Variants in SELENOO observed in about 807,000 individuals in gnomAD.
SELENOO encodes selenoprotein O.
In SELENOO, 74 loss-of-function variants were observed where a neutral mutation model predicts 58.7. The observed-to-expected ratio is 1.26, with a 90% CI of 1.04 to 1.53. SELENOO has a LOEUF of 1.53. SELENOO is among the 40% of genes most tolerant of loss of function. The pLI is 0.00. For synonymous variants in SELENOO, 543 were observed against 453.2 expected (o/e 1.20, Z -2.52); for missense variants, 1,149 against 970.0 (o/e 1.18, Z -2.45).
chr22:50,201,728 G>C, intron 1 of SELENOO, 138 bp downstream of exon 1: 2 of 561,916 alleles, frequency 3.6e-6, no homozygotes, highest in Non-Finnish European at 5.2e-6. Flanking sequence ...GCGCGGTGCT[G>C]GCAGCCGCCC....
intron 5 of SELENOO, among the ~76,000 whole-genome samples, chr22:50,213,750 G>C (rs2064387585): frequency 6.6e-6 from 1 of 151,684 alleles, no homozygotes; most frequent in Non-Finnish European, 1.5e-5. Flanking sequence ...CAGGTTCACG[G>C]CATTTTCCTG....
Position 50,216,795 on chromosome 22 carries a change from A to G in SELENOO, c.1607A>G (p.Gln536Arg), listed in dbSNP as rs778705234. ...AGGGAGCTGGAGCGTGTGGAGCAGC[A>G]GTCTCGGCTGGAGCAGCTGAGTGCG... is the stretch of plus-strand genomic sequence containing the variant. ...IARELERVEQ[Q>R]SRLEQLSAAE... Residue 536 changes from glutamine to arginine, a missense_variant, in exon 7 of 9, where the codon CAG (glutamine) becomes CGG (arginine). Gln to Arg is a conservative substitution (Grantham distance 43). Transcript: ENST00000380903. 9 of 1,609,230 alleles carry G rather than the reference A, an allele frequency of 5.6e-6. No homozygotes were observed. In the African/African-American group the frequency reaches 8.0e-5, roughly 14 times the overall value.
chr22:50,203,575 A>G (rs1377932454), intron 1 of SELENOO, among the ~76,000 whole-genome samples: 1 of 152,202 alleles, frequency 6.6e-6, no homozygotes, highest in Non-Finnish European at 1.5e-5. Flanking sequence ...CTTCACATAT[A>G]TGGTCAGCAA....
intron 5 of SELENOO, 132 bp from the exon 6 acceptor site, chr22:50,215,585 G>A: frequency 1.5e-6 from 1 of 664,400 alleles, no homozygotes; most frequent in Non-Finnish European, 2.5e-6. Flanking sequence ...GCGGTGGGGG[G>A]CGGTGGTGGA....
chr22:50,201,100 C>T lies in SELENOO; in HGVS notation c.64C>T (p.Arg22Cys). The change falls in exon 1 of 9, where the codon CGC (arginine) becomes TGC (cysteine). Residue 22 changes from arginine to cysteine, a missense_variant. Coordinates refer to ENST00000380903, the MANE Select transcript of SELENOO (RefSeq NM_031454.2). Reference protein sequence around the residue: ...LAAARLLPLGRCSPSPAPRST... With the variant: ...LAAARLLPLGCCSPSPAPRST... ...GGCTGCCCGACTCTTGCCCCTCGGT[C>T]GCTGTTCCCCGTCGCCGGCGCCCCG... is the stretch of plus-strand genomic sequence containing the variant. 1 of 1,352,238 alleles carries T rather than the reference C, an allele frequency of 7.4e-7. No individual in the cohort carries two copies. Among genetic ancestry groups the T allele is most frequent in the Non-Finnish European group, 9.5e-7 (1 of 1,052,866 alleles). 83.8% of individuals were successfully genotyped at this position (1,352,238 alleles called of 1,614,324 possible). A position where few individuals can be genotyped will look rare whatever the true frequency, so the allele number is the denominator to read the frequency against.
Position 50,216,900 on chromosome 22 carries a change from C to T in SELENOO, c.1688+24C>T, listed in dbSNP as rs73435262. ...AGGTGAGCCCTGCGTCCATGGTCAC[C>T]GGGGGACGGCGGGTCGCGTGCTGGA... On this transcript the variant is annotated intron_variant, in intron 7 of 8. Coordinates refer to ENST00000380903, the MANE Select transcript of SELENOO (RefSeq NM_031454.2). 8.4e-3 allele frequency: 13,500 copies of T among 1,602,480 alleles called. 142 individuals carry two copies. Among genetic ancestry groups the T allele is most frequent in the African/African-American group, 0.039 (2,919 of 74,932 alleles).
chr22:50,211,016 G>A (rs896073189), intron 5 of SELENOO, 105 bp downstream of exon 5: 2 of 1,259,092 alleles, frequency 1.6e-6, no homozygotes, highest in Non-Finnish European at 2.3e-6. Context: ...TCACTCCCTG[G>A]GCCCACCCCA....
At chr22:50,202,351 T>A (rs1339457988) in intron 1 of SELENOO, among the ~76,000 whole-genome samples, 1 of 151,862 alleles carries the variant, frequency 6.6e-6, no homozygotes, top group Non-Finnish European at 1.5e-5. Flanking sequence ...GGGCTCCATC[T>A]CCCAAGCAAG....
intron 5 of SELENOO, among the ~76,000 whole-genome samples, chr22:50,211,288 CTG>C (rs996609471): frequency 2.0e-5 from 3 of 152,142 alleles, no homozygotes; most frequent in African/African-American, 7.2e-5. Context: ...GTACGGTGCA[CTG>C]TGTGTTGTGT....
rs1195893484 is a variant in SELENOO at position 50,206,371 on chromosome 22, C to T, written c.609C>T (p.Ser203=). The change falls in exon 2 of 9, where the codon AGC becomes AGT. Residue 203 remains serine, a synonymous_variant. Coordinates refer to ENST00000380903, the MANE Select transcript of SELENOO (RefSeq NM_031454.2). The part of the protein sequence containing the change: ...LRSSIREFLC[S]EAMFHLGVPT... ...CAAGCATCCGGGAGTTTCTATGCAG[C>T]GAAGCCATGTTCCACCTGGGAGTCC... 14 of 1,613,998 alleles carry T rather than the reference C, an allele frequency of 8.7e-6. No individual in the cohort carries two copies. The highest frequency in any genetic ancestry group is 2.2e-5 in the East Asian group (1 of 44,902).
chr22:50,216,616 G>T, intron 6 of SELENOO, 75 bp from the exon 7 acceptor site: 1 of 1,365,358 alleles, frequency 7.3e-7, no homozygotes, highest in South Asian at 1.3e-5. Flanking sequence ...AGCGGGCTGG[G>T]GCAGGCGGAG....
chr22:50,216,605 G>GAGCGGGCTGGGGCAGGCGGAGC, intron 6 of SELENOO, 86 bp from the exon 7 acceptor site: 1 of 1,294,500 alleles, frequency 7.7e-7, no homozygotes, highest in Non-Finnish European at 1.1e-6. Flanking sequence ...TGAGCCGTGA[G>GAGCGGGCTGGGGCAGGCGGAGC]AGCGGGCTGG....
chr22:50,208,256 C>G (rs921896609), intron 2 of SELENOO, among the ~76,000 whole-genome samples: 12 of 152,138 alleles, frequency 7.9e-5, no homozygotes, highest in African/African-American at 9.6e-5. Context: ...ATGGTGAAAC[C>G]CTGTCTCTAC....
intron 1 of SELENOO, chr22:50,206,035 G>A: frequency 1.9e-6 from 1 of 514,286 alleles, no homozygotes. Flanking sequence ...CCTGGCTTCT[G>A]CTGCGGAACC....
intron 1 of SELENOO, 61 bp from the exon 2 acceptor site, chr22:50,206,256 A>G: frequency 6.8e-7 from 1 of 1,462,778 alleles, no homozygotes; most frequent in Non-Finnish European, 9.5e-7. Flanking sequence ...TGCTGCCCGG[A>G]ATCCTGGTGT....
Position 50,210,887 on chromosome 22 carries a change from C to A in SELENOO, c.1327C>A (p.Leu443Ile), listed in dbSNP as rs758461767. ...GGAAGACGGGGCGCTGGTGTCCAAG[C>A]TCCTGGAGACCATGCATCTGACCGG... ...LEEDGALVSK[L>I]LETMHLTGAD... is the part of the protein sequence containing the mutation. Residue 443 changes from leucine to isoleucine, a missense_variant, in exon 5 of 9, where the codon CTC (leucine) becomes ATC (isoleucine). Transcript: ENST00000380903. The A allele has an allele frequency of 9.9e-6, 16 of 1,613,996 alleles. No individual in the cohort carries two copies. The highest frequency in any genetic ancestry group is 1.4e-5 in the Non-Finnish European group (16 of 1,180,032).
rs774965985 is a variant in SELENOO at position 50,217,190 on chromosome 22, C to G, written c.1846-15C>G. The G allele has an allele frequency of 8.1e-6, 13 of 1,611,986 alleles. No homozygotes were observed. The highest frequency in any genetic ancestry group is 1.1e-5 in the Non-Finnish European group (13 of 1,179,170). On this transcript the variant is annotated splice_polypyrimidine_tract_variant and intron_variant, in intron 8 of 8. Coordinates refer to ENST00000380903, the MANE Select transcript of SELENOO (RefSeq NM_031454.2). ...GGGTCGGCCCCAGACCCCTCTCACC[C>G]TCCTGATCCTCCAGGTGCGGCGGGT...
chr22:50,216,832 G>A lies in SELENOO; in HGVS notation c.1644G>A (p.Gln548=), dbSNP rs751691181. ...RLEQLSAAEL[Q]SRNQGHWADW... ...AGCAGCTGAGTGCGGCAGAGCTGCA[G>A]AGCAGGAACCAGGGCCACTGGGCTG... is the stretch of plus-strand genomic sequence containing the variant. Residue 548 remains glutamine, a synonymous_variant, in exon 7 of 9, where the codon CAG becomes CAA. Coordinates refer to ENST00000380903, the MANE Select transcript of SELENOO (RefSeq NM_031454.2). The A allele has an allele frequency of 6.8e-6, 11 of 1,608,668 alleles. No homozygotes were observed. The Admixed American group carries it at 8.3e-5, about 12-fold the overall frequency.
At chr22:50,216,307 C>T (rs1386501752) in intron 6 of SELENOO, among the ~76,000 whole-genome samples, 1 of 152,224 alleles carries the variant, frequency 6.6e-6, no homozygotes, top group Non-Finnish European at 1.5e-5. Flanking sequence ...GCCAGCAGGC[C>T]CTGCTGAGCA....
Sources: gnomAD v4.1 joint callset for allele counts (sites outside exome capture counted in the v4.1 genomes callset) on GRCh38, gnomAD v4.1.1 for gene constraint, MANE v1.5 for transcripts, NCBI Gene and HGNC (gene_info 2026-07-23, HGNC 2026-07-21) for gene names.